RALYL: variants seen among roughly 807,000 people sequenced by gnomAD.
RALYL encodes the protein RALY RNA binding protein like.
Under a neutral mutation model 35.1 loss-of-function variants are expected in RALYL, and 29 were observed. That is an observed-to-expected ratio of 0.83 (90% CI 0.61 to 1.13). The LOEUF (loss-of-function observed/expected upper bound fraction) is 1.13, where lower values mean the gene tolerates loss of function less well. RALYL is among the 50% of genes most tolerant of loss of function. The pLI is 0.00. For synonymous variants in RALYL, 120 were observed against 127.6 expected (o/e 0.94, Z 0.40); for missense variants, 359 against 360.4 (o/e 1.00, Z 0.03).
At chr8:84,432,056 T>C (rs1236155927) in intron 1 of RALYL, among the ~76,000 whole-genome samples, 1 of 152,208 alleles carries the variant, frequency 6.6e-6, no homozygotes, top group African/African-American at 2.4e-5. Context: ...GACTACCATA[T>C]GGTTTAACAA....
chr8:84,501,739 G>A (rs1367739562), intron 1 of RALYL, among the ~76,000 whole-genome samples: 3 of 151,202 alleles, frequency 2.0e-5, no homozygotes, highest in African/African-American at 7.3e-5. Flanking sequence ...TATCTCTGGG[G>A]ATGGCTCACA....
chr8:84,371,403 A>G (rs1441964893), intron 1 of RALYL, among the ~76,000 whole-genome samples: 1 of 151,988 alleles, frequency 6.6e-6, no homozygotes, highest in Non-Finnish European at 1.5e-5. Flanking sequence ...ACAAAAAACT[A>G]CTTGGAACTT....
chr8:84,468,933 C>A (rs1293204936), intron 1 of RALYL, among the ~76,000 whole-genome samples: 3 of 151,702 alleles, frequency 2.0e-5, no homozygotes, highest in Non-Finnish European at 4.4e-5. Context: ...CAGTTGATCG[C>A]ATCGGCTCCT....
chr8:84,820,984 T>C (rs965369276), intron 4 of RALYL, among the ~76,000 whole-genome samples: 1 of 152,202 alleles, frequency 6.6e-6, no homozygotes, highest in Non-Finnish European at 1.5e-5. Flanking sequence ...ATATCAGTCC[T>C]GAAAATAATC....
chr8:84,845,699 T>C (rs1215430910), intron 4 of RALYL, among the ~76,000 whole-genome samples: 1 of 152,224 alleles, frequency 6.6e-6, no homozygotes, highest in African/African-American at 2.4e-5. Context: ...TTTGATTTTG[T>C]TGCAATAGCT....
At chr8:84,625,324 C>A (rs1216807226) in intron 2 of RALYL, among the ~76,000 whole-genome samples, 1 of 152,040 alleles carries the variant, frequency 6.6e-6, no homozygotes, top group East Asian at 1.9e-4. Context: ...TAGCTTCGGG[C>A]AGAAGTAAAG....
chr8:84,185,337 G>A (rs1459073130), intron 1 of RALYL: 7 of 409,510 alleles, frequency 1.7e-5, no homozygotes, highest in Non-Finnish European at 3.2e-5. Flanking sequence ...TGAGAACTGT[G>A]TACAGGGCAG....
intron 1 of RALYL, among the ~76,000 whole-genome samples, chr8:84,215,846 T>C (rs1308548428): frequency 6.6e-6 from 1 of 152,154 alleles, no homozygotes; most frequent in Non-Finnish European, 1.5e-5. Flanking sequence ...TTTTGATAAG[T>C]AATGCGTACG....
At chr8:84,338,935 G>A (rs1487310585) in intron 1 of RALYL, among the ~76,000 whole-genome samples, 1 of 151,992 alleles carries the variant, frequency 6.6e-6, no homozygotes, top group Non-Finnish European at 1.5e-5. Context: ...CAAGTGTATA[G>A]AAATTTTAAA....
intron 7 of RALYL, among the ~76,000 whole-genome samples, chr8:84,886,370 T>C (rs1442405384): frequency 6.6e-6 from 1 of 152,138 alleles, no homozygotes; most frequent in East Asian, 1.9e-4. Context: ...ATATCAATGC[T>C]CATTTTCCTT....
chr8:84,218,820 A>G (rs897446854), intron 1 of RALYL, among the ~76,000 whole-genome samples: 4 of 152,112 alleles, frequency 2.6e-5, no homozygotes, highest in Non-Finnish European at 5.9e-5. Context: ...GATAGTGCCC[A>G]GCGTGTGGTT....
At chr8:84,378,340 T>C (rs1216925417) in intron 1 of RALYL, among the ~76,000 whole-genome samples, 1 of 151,916 alleles carries the variant, frequency 6.6e-6, no homozygotes, top group Non-Finnish European at 1.5e-5. Context: ...ATATAGCTTT[T>C]GAGTTAGACA....
At chr8:84,206,109 A>G (rs1462225988) in intron 1 of RALYL, among the ~76,000 whole-genome samples, 1 of 152,202 alleles carries the variant, frequency 6.6e-6, no homozygotes, top group Admixed American at 6.5e-5. Context: ...AAATGCAGAC[A>G]TATTCTGGAG....
intron 1 of RALYL, among the ~76,000 whole-genome samples, chr8:84,415,901 C>T (rs939777702): frequency 5.9e-5 from 9 of 152,198 alleles, no homozygotes; most frequent in African/African-American, 1.9e-4. Context: ...CTCTAACACA[C>T]TTGTCAGTGC....
intron 2 of RALYL, among the ~76,000 whole-genome samples, chr8:84,624,494 T>C (rs1822294697): frequency 6.6e-6 from 1 of 152,180 alleles, no homozygotes. Context: ...TCTCTCTGTG[T>C]GTTTCTGCTA....
At chr8:84,487,926 A>G (rs1336340469) in intron 1 of RALYL, among the ~76,000 whole-genome samples, 1 of 152,104 alleles carries the variant, frequency 6.6e-6, no homozygotes, top group Non-Finnish European at 1.5e-5. Flanking sequence ...CTGAGGCAAC[A>G]GTGTTTTTAA....
intron 7 of RALYL, among the ~76,000 whole-genome samples, chr8:84,879,012 A>C (rs566613087): frequency 8.9e-6 from 1 of 112,682 alleles, no homozygotes; most frequent in South Asian, 2.3e-4. Context: ...TAAAAAGAGT[A>C]CTTCACCAAA....
chr8:84,736,286 T>C lies in RALYL; in HGVS notation c.257-38293T>C, dbSNP rs1438381773. On this transcript the variant is annotated intron_variant, in intron 2 of 8. Coordinates refer to ENST00000521268, the MANE Select transcript of RALYL (RefSeq NM_173848.7). ...AACCAGCCTTGGGCTAGGAATTTGATACAATAATCCAACAATTCTATCTAT... is the reference window on the plus strand; with the variant it reads ...AACCAGCCTTGGGCTAGGAATTTGACACAATAATCCAACAATTCTATCTAT... Among the ~76,000 whole-genome samples, 3 of 152,062 alleles carry C rather than the reference T, an allele frequency of 2.0e-5. No homozygotes were observed. The East Asian group carries it at 5.8e-4, about 29-fold the overall frequency.
intron 2 of RALYL, among the ~76,000 whole-genome samples, chr8:84,565,298 T>C (rs2061707296): frequency 6.6e-6 from 1 of 151,582 alleles, no homozygotes; most frequent in African/African-American, 2.4e-5. Flanking sequence ...ATGTTGCCCA[T>C]TTGGCTGGCA....
Sources: allele counts gnomAD v4.1 joint callset (sites outside exome capture counted in the v4.1 genomes callset), GRCh38; gene constraint gnomAD v4.1.1; transcripts MANE v1.5; gene names NCBI Gene and HGNC (gene_info 2026-07-23, HGNC 2026-07-21).